The following CD55 variants were observed in gnomAD, a reference collection of about 807,000 sequenced individuals.
The protein encoded by CD55 is CD55 molecule (Cromer blood group), also known as complement decay-accelerating factor.
Under a neutral mutation model 45.8 loss-of-function variants are expected in CD55, and 41 were observed. The ratio of observed to expected loss-of-function variants is 0.90; its 90% CI spans 0.70 to 1.16. The LOEUF is 1.16. Among genes scored for constraint, CD55 ranks in the 50% most tolerant of loss-of-function variants. The pLI, the probability that CD55 is intolerant of heterozygous loss-of-function variation, is 0.00. For missense variants in CD55, 416 were observed against 469.8 expected, an observed-to-expected ratio of 0.89 and a Z score of 1.06; for synonymous variants, 181 against 181.1, an observed-to-expected ratio of 1.00 and a Z score of 0.01.
At chr1:207,329,055 G>C (rs1312858252) in intron 5 of CD55, among the ~76,000 whole-genome samples, 2 of 152,208 alleles carry the variant, frequency 1.3e-5, no homozygotes, top group African/African-American at 4.8e-5. Context: ...TGTTGGGTTA[G>C]AGGTGAGTAT....
intron 5 of CD55, among the ~76,000 whole-genome samples, chr1:207,329,002 T>C (rs6702997): frequency 0.69 from 105,316 of 152,176 alleles, 36,921 homozygotes; most frequent in Middle Eastern, 0.83. Context: ...ACCCAAGACA[T>C]GTCCACCACA....
At chr1:207,328,084 T>G (rs1471939114) in intron 5 of CD55, among the ~76,000 whole-genome samples, 3 of 152,224 alleles carry the variant, frequency 2.0e-5, no homozygotes, top group African/African-American at 7.2e-5. Flanking sequence ...CACAAGCACC[T>G]GCTGTGTCAT....
intron 6 of CD55, among the ~76,000 whole-genome samples, chr1:207,332,614 T>C (rs1425252207): frequency 1.3e-5 from 2 of 152,194 alleles, no homozygotes; most frequent in African/African-American, 4.8e-5. Flanking sequence ...TTAGTGTGTG[T>C]GCTTTTTTAA....
intron 8 of CD55, 42 bp from the exon 9 acceptor site, chr1:207,339,355 C>A: frequency 1.9e-6 from 3 of 1,562,840 alleles, no homozygotes; most frequent in Non-Finnish European, 2.6e-6. Flanking sequence ...ATGACTTTAA[C>A]AAATTTTTGT....
Position 207,339,389 on chromosome 1 carries a change from G to A in CD55, c.1061-8G>A, listed in dbSNP as rs28371628. 6,634 of 1,597,396 alleles carry A rather than the reference G, an allele frequency of 4.2e-3. 245 individuals are homozygous for A. The African/African-American group carries it at 0.078, about 19-fold the overall frequency. ...GTTGTTAATCCTTTTTTTCCCCTTC[G>A]TCTGTAGGTACTACCCGTCTTCTAT... is the stretch of plus-strand genomic sequence containing the variant. On this transcript the variant is annotated splice_polypyrimidine_tract_variant and splice_region_variant and intron_variant, in intron 8 of 9. Coordinates refer to ENST00000367064, the MANE Select transcript of CD55 (RefSeq NM_000574.5).
At chr1:207,344,927 T>C (rs536750491) in intron 9 of CD55, among the ~76,000 whole-genome samples, 4 of 152,086 alleles carry the variant, frequency 2.6e-5, no homozygotes, top group Admixed American at 2.0e-4. Context: ...TGTTGGCCAG[T>C]CTGGTCTCGA....
chr1:207,322,066 G>A (rs1414639185), intron 1 of CD55, among the ~76,000 whole-genome samples: 1 of 152,238 alleles, frequency 6.6e-6, no homozygotes, highest in Non-Finnish European at 1.5e-5. Context: ...CAGCTGACTT[G>A]GCTTTAGGGG....
chr1:207,343,109 T>C (rs1346774626), intron 9 of CD55, among the ~76,000 whole-genome samples: 2 of 152,142 alleles, frequency 1.3e-5, no homozygotes, highest in Non-Finnish European at 2.9e-5. Context: ...GCAAGTACTT[T>C]ATCAGTTTGG....
At chr1:207,332,794 A>T (rs1007703021) in intron 6 of CD55, among the ~76,000 whole-genome samples, 1 of 152,330 alleles carries the variant, frequency 6.6e-6, no homozygotes, top group Admixed American at 6.5e-5. Context: ...ATATTTTTTA[A>T]GGCATAAGAT....
At chr1:207,326,543 C>T (rs1236188321) in intron 4 of CD55, among the ~76,000 whole-genome samples, 2 of 152,122 alleles carry the variant, frequency 1.3e-5, no homozygotes, top group African/African-American at 4.8e-5. Context: ...AAAAAATGTA[C>T]ATGTCTTATC....
chr1:207,354,478 G>T (rs1422690310), intron 9 of CD55, among the ~76,000 whole-genome samples: 1 of 152,134 alleles, frequency 6.6e-6, no homozygotes, highest in African/African-American at 2.4e-5. Flanking sequence ...ACATGATGGG[G>T]AACCTTACTA....
chr1:207,358,966 G>A (rs1280770990), intron 9 of CD55, among the ~76,000 whole-genome samples: 2 of 152,150 alleles, frequency 1.3e-5, no homozygotes, highest in Non-Finnish European at 2.9e-5. Flanking sequence ...TTTGCATCAT[G>A]AGATGGTTGA....
intron 9 of CD55, among the ~76,000 whole-genome samples, chr1:207,349,796 C>T (rs1483001542): frequency 6.6e-6 from 1 of 152,182 alleles, no homozygotes. Flanking sequence ...GGTTTAAACT[C>T]ATATCATCTG....
intron 6 of CD55, among the ~76,000 whole-genome samples, chr1:207,333,076 G>A (rs1655020294): frequency 6.6e-6 from 1 of 152,184 alleles, no homozygotes; most frequent in Non-Finnish European, 1.5e-5. Context: ...GCAAATTTTG[G>A]GGCTGCATGT....
At chr1:207,343,846 T>C (rs921030446) in intron 9 of CD55, among the ~76,000 whole-genome samples, 1 of 152,210 alleles carries the variant, frequency 6.6e-6, no homozygotes, top group Non-Finnish European at 1.5e-5. Flanking sequence ...TACTCCAGGA[T>C]TGGGTGCATA....
rs781529960 is a variant in CD55, at chr1:207,325,734, A to G, written c.578+13A>G. On this transcript the variant is annotated intron_variant, in intron 4 of 9. Transcript: ENST00000367064. ...CATGTAACACAGGGTAAGTTTGGGC[A>G]TACTAAAACCCTGTATTTAGGAAAT... 5 of 1,474,816 alleles carry G rather than the reference A, an allele frequency of 3.4e-6. No individual in the cohort carries two copies. Among genetic ancestry groups the G allele is most frequent in the Non-Finnish European group, 9.5e-7 (1 of 1,056,182 alleles). The allele number at this position is 1,474,816 out of a possible 1,614,324, so 91.4% of individuals were successfully genotyped here. A position where few individuals can be genotyped will look rare whatever the true frequency, so the allele number is the denominator to read the frequency against.
chr1:207,345,876 T>C (rs544025166), intron 9 of CD55, among the ~76,000 whole-genome samples: 165 of 152,298 alleles, frequency 1.1e-3, no homozygotes, highest in African/African-American at 3.8e-3. Flanking sequence ...TCCTCAGTGC[T>C]TTAGGATGCG....
Position 207,322,484 on chromosome 1 carries a change from G to A in CD55, c.203G>A (p.Ser68Asn), listed in dbSNP as rs869312818. 1 of 1,614,204 alleles carries A rather than the reference G, an allele frequency of 6.2e-7. No individual in the cohort carries two copies. The highest frequency in any genetic ancestry group is 2.2e-5 in the East Asian group (1 of 44,886). ...GTAATAACGTACAAATGTGAAGAAA[G>A]CTTTGTGAAAATTCCTGGCGAGAAG... Reference protein sequence around the residue: ...DTVITYKCEESFVKIPGEKDS... With the variant: ...DTVITYKCEENFVKIPGEKDS... Residue 68 changes from serine to asparagine, a missense_variant, in exon 2 of 10, where the codon AGC becomes AAC. By Grantham distance (46) the Ser-to-Asn change is conservative. Transcript: ENST00000367064.
intron 6 of CD55, among the ~76,000 whole-genome samples, chr1:207,333,634 C>G (rs1359408899): frequency 6.6e-6 from 1 of 152,094 alleles, no homozygotes; most frequent in Non-Finnish European, 1.5e-5. Context: ...AAATGAGAAC[C>G]TTAAAATAAC....
Sources: gnomAD v4.1 joint callset for allele counts (sites outside exome capture counted in the v4.1 genomes callset) on GRCh38, gnomAD v4.1.1 for gene constraint, MANE v1.5 for transcripts, NCBI Gene and HGNC (gene_info 2026-07-23, HGNC 2026-07-21) for gene names.